The following NUCKS1 variants were observed in gnomAD, a reference collection of about 807,000 sequenced individuals.
The protein encoded by NUCKS1 is nuclear casein kinase and cyclin dependent kinase substrate 1.
NUCKS1 carries 2 observed loss-of-function variants against 33.0 expected under a neutral mutation model. The ratio of observed to expected loss-of-function variants is 0.06; its 90% CI spans 0.02 to 0.19. The LOEUF is 0.19. NUCKS1 is among the 10% of genes least tolerant of loss of function. NUCKS1 has a pLI of 1.00. For missense variants in NUCKS1, 201 were observed against 293.6 expected (o/e 0.68, Z 2.31); for synonymous variants, 106 against 102.8 (o/e 1.03, Z -0.19).
intron 5 of NUCKS1, 133 bp from the exon 6 acceptor site, chr1:205,719,809 T>C (rs1015929916): frequency 4.3e-6 from 4 of 922,070 alleles, no homozygotes; most frequent in African/African-American, 1.7e-5. Context: ...TTTGGAGCTG[T>C]ACTACCAATT....
chr1:205,747,377 T>C (rs1280200573), intron 1 of NUCKS1, among the ~76,000 whole-genome samples: 3 of 152,200 alleles, frequency 2.0e-5, no homozygotes, highest in Non-Finnish European at 2.9e-5. Context: ...TGAGCTCTCA[T>C]TTAACAGTCG....
chr1:205,750,010 A>G lies in NUCKS1; in HGVS notation c.-37T>C, dbSNP rs1464668326. Reference sequence around the variant, plus strand: ...AAACAGGACCGAGTCGAGAAGCCAAAGACCAGGACCCCCCCCACCCCGCGC... The same window carrying G: ...AAACAGGACCGAGTCGAGAAGCCAAGGACCAGGACCCCCCCCACCCCGCGC... On this transcript the variant is annotated 5_prime_UTR_variant, in exon 1 of 7. Transcript: ENST00000367142. The G allele has an allele frequency of 6.3e-7, 1 of 1,578,232 alleles. No homozygotes were observed. Among genetic ancestry groups the G allele is most frequent in the African/African-American group, 1.4e-5 (1 of 73,198 alleles).
Position 205,717,398 on chromosome 1 carries a change from T to G in NUCKS1, c.*882A>C, listed in dbSNP as rs1671841888. On this transcript the variant is annotated 3_prime_UTR_variant, in exon 7 of 7. Transcript: ENST00000367142. ...ATCTTGTTGATTAAATTCTAGGGTT[T>G]TTTTTTTTTTGGATTCTTGGTAAAA... The G allele has an allele frequency of 1.0e-6, 1 of 983,958 alleles. No homozygotes were observed. The highest frequency in any genetic ancestry group is 1.7e-5 in the African/African-American group (1 of 57,294). The allele number at this position is 983,958 out of a possible 1,614,324, so 61.0% of individuals were successfully genotyped here.
intron 1 of NUCKS1, among the ~76,000 whole-genome samples, chr1:205,735,491 T>C (rs1157953859): frequency 6.6e-6 from 1 of 152,200 alleles, no homozygotes; most frequent in Non-Finnish European, 1.5e-5. Context: ...AACTCTTCAA[T>C]GTAAAATGAG....
intron 1 of NUCKS1, among the ~76,000 whole-genome samples, chr1:205,736,203 C>T (rs1050714847): frequency 1.3e-5 from 2 of 152,126 alleles, no homozygotes; most frequent in Non-Finnish European, 2.9e-5. Flanking sequence ...CCTCCCTTCT[C>T]GGCCTCTCAA....
chr1:205,734,960 T>C (rs1365932161), intron 1 of NUCKS1, among the ~76,000 whole-genome samples: 4 of 152,136 alleles, frequency 2.6e-5, no homozygotes, highest in Admixed American at 6.6e-5. Flanking sequence ...TTATTCAAAA[T>C]AATATAAATA....
chr1:205,719,427 C>A, intron 6 of NUCKS1, 100 bp downstream of exon 6: 1 of 1,211,860 alleles, frequency 8.3e-7, no homozygotes, highest in Non-Finnish European at 1.2e-6. Flanking sequence ...TGCTAAACAT[C>A]AGGCCAATGC....
chr1:205,732,192 A>T (rs1219655453), intron 1 of NUCKS1, among the ~76,000 whole-genome samples: 1 of 152,238 alleles, frequency 6.6e-6, no homozygotes, highest in Non-Finnish European at 1.5e-5. Context: ...TCTTTAGTTT[A>T]ACAAAACTAT....
Position 205,739,191 on chromosome 1 carries a change from C to T in NUCKS1, c.18-9570G>A, listed in dbSNP as rs548287727. On this transcript the variant is annotated intron_variant, in intron 1 of 6. Coordinates refer to ENST00000367142, the MANE Select transcript of NUCKS1 (RefSeq NM_022731.5). Reference sequence around the variant, plus strand: ...ATTGCAAGCCATTAAGTGGTAAAAACCATTTTCCAACCCAAGTCCTTCCAA... The same window carrying T: ...ATTGCAAGCCATTAAGTGGTAAAAATCATTTTCCAACCCAAGTCCTTCCAA... Among the ~76,000 whole-genome samples the T allele has an allele frequency of 9.2e-5, 14 of 152,306 alleles. No homozygotes were observed. In the South Asian group the frequency reaches 2.7e-3, roughly 29 times the overall value.
At chr1:205,735,198 A>G (rs897529626) in intron 1 of NUCKS1, among the ~76,000 whole-genome samples, 3 of 152,184 alleles carry the variant, frequency 2.0e-5, no homozygotes, top group African/African-American at 7.2e-5. Context: ...ATACATGACA[A>G]TGGTCTCACA....
intron 1 of NUCKS1, among the ~76,000 whole-genome samples, chr1:205,736,954 C>A (rs1201769756): frequency 6.6e-6 from 1 of 152,102 alleles, no homozygotes; most frequent in Non-Finnish European, 1.5e-5. Flanking sequence ...CTAAATCTAA[C>A]CCCTCCTCTT....
chr1:205,723,210 T>A (rs1389067075), intron 4 of NUCKS1, among the ~76,000 whole-genome samples: 1 of 152,168 alleles, frequency 6.6e-6, no homozygotes, highest in Admixed American at 6.5e-5. Flanking sequence ...TTGTATTAGC[T>A]AAACAGCAGT....
Position 205,713,292 on chromosome 1 carries a change from T to G in NUCKS1, c.*4988A>C, listed in dbSNP as rs1228815746. On this transcript the variant is annotated 3_prime_UTR_variant, in exon 7 of 7. Coordinates refer to ENST00000367142, the MANE Select transcript of NUCKS1 (RefSeq NM_022731.5). ...CAGAAAAAGAATAACTTGCTTCATA[T>G]GTCCCAAAAAGAGAAAAAAATAAAG... 2.0e-5 allele frequency: 3 copies of G among 152,096 alleles called. No individual in the cohort carries two copies. Among genetic ancestry groups the G allele is most frequent in the African/African-American group, 7.2e-5 (3 of 41,426 alleles). 9.4% of individuals were successfully genotyped at this position (152,096 alleles called of 1,614,324 possible). A position where few individuals can be genotyped will look rare whatever the true frequency, so the allele number is the denominator to read the frequency against.
chr1:205,723,027 G>A (rs1454119324), intron 4 of NUCKS1, among the ~76,000 whole-genome samples: 5 of 152,192 alleles, frequency 3.3e-5, no homozygotes, highest in Non-Finnish European at 7.3e-5. Context: ...TTCAAACTAG[G>A]ATTTACAAGG....
intron 1 of NUCKS1, among the ~76,000 whole-genome samples, chr1:205,740,388 A>C (rs1654138523): frequency 6.6e-6 from 1 of 151,872 alleles, no homozygotes; most frequent in Admixed American, 6.6e-5. Context: ...GGAGGCAGAG[A>C]TGGCAGGATT....
intron 4 of NUCKS1, among the ~76,000 whole-genome samples, chr1:205,723,523 A>G (rs113777329): frequency 2.6e-5 from 4 of 152,148 alleles, no homozygotes; most frequent in Non-Finnish European, 5.9e-5. Flanking sequence ...TTCCACCCAG[A>G]GTCCACCACT....
At chr1:205,730,526 T>A (rs1481896858) in intron 1 of NUCKS1, among the ~76,000 whole-genome samples, 1 of 151,922 alleles carries the variant, frequency 6.6e-6, no homozygotes, top group East Asian at 1.9e-4. Context: ...TCTTGCCCTG[T>A]CGCCCAGGCT....
At chr1:205,731,320 A>G (rs1392105323) in intron 1 of NUCKS1, 1 of 152,366 alleles carries the variant, frequency 6.6e-6, no homozygotes, top group African/African-American at 2.4e-5. Context: ...TGTCCTGACT[A>G]TTACAAAATC....
chr1:205,717,379 T>A lies in NUCKS1; in HGVS notation c.*901A>T. 1.0e-6 allele frequency: 1 copy of A among 984,382 alleles called. No individual in the cohort carries two copies. Among genetic ancestry groups the A allele is most frequent in the Non-Finnish European group, 1.2e-6 (1 of 828,402 alleles). 61.0% of individuals were successfully genotyped at this position (984,382 alleles called of 1,614,324 possible). A position where few individuals can be genotyped will look rare whatever the true frequency, so the allele number is the denominator to read the frequency against. On this transcript the variant is annotated 3_prime_UTR_variant, in exon 7 of 7. Transcript: ENST00000367142. ...CACTGTGACCTGTAGACTGATCTTGTTGATTAAATTCTAGGGTTTTTTTTT... is the reference window on the plus strand; with the variant it reads ...CACTGTGACCTGTAGACTGATCTTGATGATTAAATTCTAGGGTTTTTTTTT...
Sources: gnomAD v4.1 joint callset for allele counts (sites outside exome capture counted in the v4.1 genomes callset) on GRCh38, gnomAD v4.1.1 for gene constraint, MANE v1.5 for transcripts, NCBI Gene and HGNC (gene_info 2026-07-23, HGNC 2026-07-21) for gene names.